HEPHL1: variants seen among roughly 807,000 people sequenced by gnomAD.
HEPHL1 encodes ferroxidase HEPHL1.
A neutral mutation model predicts 122.0 loss-of-function variants in HEPHL1; 123 were observed. The ratio of observed to expected loss-of-function variants is 1.01; its 90% CI spans 0.87 to 1.17. The LOEUF (loss-of-function observed/expected upper bound fraction) is 1.17, where lower values mean the gene tolerates loss of function less well. HEPHL1 is among the 50% of genes most tolerant of loss of function. The pLI is 0.00. For synonymous variants in HEPHL1, 527 were observed against 508.9 expected, an observed-to-expected ratio of 1.04 and a Z score of -0.48; for missense variants, 1,452 against 1,430.5, an observed-to-expected ratio of 1.01 and a Z score of -0.24.
rs1410187659 is a variant in HEPHL1, at chr11:94,103,028, G to A, written c.2682+8G>A. On this transcript the variant is annotated splice_region_variant and intron_variant, in intron 15 of 19. Transcript: ENST00000315765. ...ACAGTAAACTTTGTGAAGGTAAGGT[G>A]GAGAAAGCAACCAAAAGGCTTAAAA... 6 of 1,492,776 alleles carry A rather than the reference G, an allele frequency of 4.0e-6. No homozygotes were observed. Among genetic ancestry groups the A allele is most frequent in the Non-Finnish European group, 5.6e-6 (6 of 1,070,094 alleles). The allele number at this position is 1,492,776 out of a possible 1,614,324, so 92.5% of individuals were successfully genotyped here.
At chr11:94,101,919 A>G (rs1214725902) in intron 14 of HEPHL1, among the ~76,000 whole-genome samples, 1 of 152,200 alleles carries the variant, frequency 6.6e-6, no homozygotes, top group Non-Finnish European at 1.5e-5. Context: ...AGATAACTTC[A>G]ATTAGAGACA....
chr11:94,049,134 A>C (rs113860433), intron 2 of HEPHL1, among the ~76,000 whole-genome samples: 71 of 152,178 alleles, frequency 4.7e-4, no homozygotes, highest in African/African-American at 1.6e-3. Context: ...AGAAACAAAA[A>C]AAAACAAAAC....
chr11:94,057,723 T>C (rs1043505320), intron 2 of HEPHL1, among the ~76,000 whole-genome samples: 4 of 152,180 alleles, frequency 2.6e-5, no homozygotes, highest in African/African-American at 4.8e-5. Flanking sequence ...ATATTTATTA[T>C]AGCTGCTTTG....
rs1192276746 is a variant in HEPHL1 at position 94,106,138 on chromosome 11, T to G, written c.3045+8T>G. On this transcript the variant is annotated splice_region_variant and intron_variant, in intron 17 of 19. Coordinates refer to ENST00000315765, the MANE Select transcript of HEPHL1 (RefSeq NM_001098672.2). Reference sequence around the variant, plus strand: ...GAGAGCTTTCTTTTCAAAGTAAGTATAAGGAAAGTGCTTTGGGAAAGACGT... The same window carrying G: ...GAGAGCTTTCTTTTCAAAGTAAGTAGAAGGAAAGTGCTTTGGGAAAGACGT... 2 of 1,537,800 alleles carry G rather than the reference T, an allele frequency of 1.3e-6. No homozygotes were observed. Among genetic ancestry groups the G allele is most frequent in the Non-Finnish European group, 8.8e-7 (1 of 1,133,694 alleles).
intron 12 of HEPHL1, 31 bp downstream of exon 12, chr11:94,088,999 G>T (rs751257266): frequency 6.3e-7 from 1 of 1,595,130 alleles, no homozygotes; most frequent in South Asian, 1.1e-5. Flanking sequence ...AGGGCTCCTC[G>T]GTGGGATCGC....
intron 17 of HEPHL1, 73 bp from the exon 18 acceptor site, chr11:94,110,830 T>C: frequency 8.1e-7 from 1 of 1,232,642 alleles, no homozygotes; most frequent in South Asian, 1.5e-5. Flanking sequence ...TATTTGTTTT[T>C]GCTCTTCTTT....
At chr11:94,022,711 T>C (rs1449830341) in intron 1 of HEPHL1, among the ~76,000 whole-genome samples, 1 of 152,232 alleles carries the variant, frequency 6.6e-6, no homozygotes, top group Non-Finnish European at 1.5e-5. Flanking sequence ...AAACTCTTGA[T>C]TGCTTTCAAT....
chr11:94,071,400 C>T, intron 6 of HEPHL1, among the ~76,000 whole-genome samples: 1 of 152,020 alleles, frequency 6.6e-6, no homozygotes, highest in East Asian at 1.9e-4. Flanking sequence ...GCACTTGAAC[C>T]CTGTCTAAAG....
At chr11:94,077,344 G>T (rs1326521958) in intron 9 of HEPHL1, among the ~76,000 whole-genome samples, 1 of 151,974 alleles carries the variant, frequency 6.6e-6, no homozygotes. Context: ...GCATTGAGCT[G>T]TCTCCTCTTT....
At chr11:94,108,133 A>G (rs1946423008) in intron 17 of HEPHL1, among the ~76,000 whole-genome samples, 1 of 151,902 alleles carries the variant, frequency 6.6e-6, no homozygotes, top group Non-Finnish European at 1.5e-5. Flanking sequence ...ATTGTTTTTC[A>G]TTTACATTTT....
chr11:94,031,368 AC>A (rs1487407337), intron 1 of HEPHL1, among the ~76,000 whole-genome samples: 2 of 149,280 alleles, frequency 1.3e-5, no homozygotes, highest in Admixed American at 6.6e-5. Context: ...ACACACACAC[AC>A]AAATGGGATA....
chr11:94,089,146 G>A (rs77798450), intron 12 of HEPHL1, among the ~76,000 whole-genome samples, 178 bp downstream of exon 12: 4,967 of 152,292 alleles, frequency 0.033, 288 homozygotes, highest in African/African-American at 0.11. Context: ...GGAAGGCAGC[G>A]TGCGGTGTCT....
intron 17 of HEPHL1, among the ~76,000 whole-genome samples, chr11:94,107,990 T>C (rs757712326): frequency 4.1e-4 from 63 of 152,184 alleles, no homozygotes; most frequent in Non-Finnish European, 7.6e-4. Flanking sequence ...GGCAGTATCA[T>C]TTTGCATTTC....
intron 1 of HEPHL1, among the ~76,000 whole-genome samples, chr11:94,024,518 C>G (rs1945607629): frequency 6.6e-6 from 1 of 152,110 alleles, no homozygotes; most frequent in Admixed American, 6.5e-5. Flanking sequence ...TTGGAGAAGA[C>G]CTGGGACTGA....
At chr11:94,023,829 A>G (rs1373372855) in intron 1 of HEPHL1, among the ~76,000 whole-genome samples, 1 of 152,208 alleles carries the variant, frequency 6.6e-6, no homozygotes, top group African/African-American at 2.4e-5. Flanking sequence ...TGATCCCATC[A>G]GAATACTGGT....
At chr11:94,086,713 A>G (rs1395210540) in intron 11 of HEPHL1, among the ~76,000 whole-genome samples, 1 of 152,200 alleles carries the variant, frequency 6.6e-6, no homozygotes, top group Non-Finnish European at 1.5e-5. Flanking sequence ...GGCAAGCTGC[A>G]TTGGATCTGG....
intron 1 of HEPHL1, among the ~76,000 whole-genome samples, chr11:94,031,299 G>A (rs1283349149): frequency 6.7e-6 from 1 of 148,416 alleles, no homozygotes. Context: ...CTTTCCAGAT[G>A]TATTCTTTGC....
chr11:94,024,659 C>A (rs1176413938), intron 1 of HEPHL1, among the ~76,000 whole-genome samples: 4 of 152,144 alleles, frequency 2.6e-5, no homozygotes, highest in African/African-American at 9.7e-5. Context: ...CTGGCTTGTA[C>A]TGATCTGTTT....
At chr11:94,109,599 TG>T (rs1946433131) in intron 17 of HEPHL1, among the ~76,000 whole-genome samples, 1 of 152,240 alleles carries the variant, frequency 6.6e-6, no homozygotes, top group Non-Finnish European at 1.5e-5. Context: ...TCTATTGAGA[TG>T]ATCAGATGCT....
Sources: allele counts gnomAD v4.1 joint callset (sites outside exome capture counted in the v4.1 genomes callset), GRCh38; gene constraint gnomAD v4.1.1; transcripts MANE v1.5; gene names NCBI Gene and HGNC (gene_info 2026-07-23, HGNC 2026-07-21).